PARD3B: variants seen among roughly 807,000 people sequenced by gnomAD.
The protein encoded by PARD3B is partitioning defective 3 homolog B.
In PARD3B, 103 loss-of-function variants were observed where a neutral mutation model predicts 130.2. The observed-to-expected ratio is 0.79, with a 90% CI of 0.67 to 0.93. PARD3B has a LOEUF of 0.93. Ranked by LOEUF, PARD3B falls within the 40% of genes least tolerant of loss-of-function variation. PARD3B has a pLI of 0.00. For synonymous variants in PARD3B, 583 were observed against 553.2 expected (o/e 1.05, Z -0.76); for missense variants, 1,609 against 1,499.2 (o/e 1.07, Z -1.21).
chr2:204,771,844 G>A (rs112317377), intron 2 of PARD3B, among the ~76,000 whole-genome samples: 2 of 151,940 alleles, frequency 1.3e-5, no homozygotes, highest in African/African-American at 4.8e-5. Flanking sequence ...CTTTTAGAGG[G>A]AGACTTTAAA....
chr2:205,290,659 C>T (rs1041718399), intron 16 of PARD3B, among the ~76,000 whole-genome samples: 20 of 152,030 alleles, frequency 1.3e-4, no homozygotes, highest in Non-Finnish European at 8.8e-5. Flanking sequence ...AGTCAAACAC[C>T]GATGAAATAG....
rs182988950 is a variant in PARD3B at position 205,449,639 on chromosome 2, A to C, written c.3044+8967A>C. Among the ~76,000 whole-genome samples, 7 of 152,340 alleles carry C rather than the reference A, an allele frequency of 4.6e-5. No individual in the cohort carries two copies. In the East Asian group the frequency reaches 9.6e-4, roughly 21 times the overall value. On this transcript the variant is annotated intron_variant, in intron 20 of 22. Coordinates refer to ENST00000406610, the MANE Select transcript of PARD3B (RefSeq NM_001302769.2). ...GATGTAATACCAGGCACTTAGAGGC[A>C]CTTAGTATTTGCTTACTAAATACTT...
intron 1 of PARD3B, among the ~76,000 whole-genome samples, chr2:204,604,551 A>T (rs2033640139): frequency 6.6e-6 from 1 of 152,178 alleles, no homozygotes; most frequent in South Asian, 2.1e-4. Flanking sequence ...AAAAAAATTT[A>T]TGTAGGTTTT....
intron 2 of PARD3B, among the ~76,000 whole-genome samples, chr2:204,928,728 C>T (rs533525063): frequency 3.3e-5 from 5 of 152,216 alleles, no homozygotes; most frequent in Admixed American, 3.3e-4. Context: ...GAGCTTTGGG[C>T]ATGCTGATTT....
intron 7 of PARD3B, among the ~76,000 whole-genome samples, chr2:205,120,858 A>G (rs2030620511): frequency 6.6e-6 from 1 of 152,246 alleles, no homozygotes; most frequent in African/African-American, 2.4e-5. Context: ...CTGGGCAAGA[A>G]AGAGTGGGAA....
intron 2 of PARD3B, among the ~76,000 whole-genome samples, chr2:204,718,939 C>T (rs1231494523): frequency 6.6e-6 from 1 of 152,152 alleles, no homozygotes; most frequent in Non-Finnish European, 1.5e-5. Flanking sequence ...TTACTCCTGA[C>T]ATATTTAATC....
chr2:205,192,387 T>C (rs1488393300), intron 14 of PARD3B, among the ~76,000 whole-genome samples: 1 of 152,174 alleles, frequency 6.6e-6, no homozygotes, highest in Admixed American at 6.5e-5. Context: ...AGCCACCATA[T>C]TTACTTTCCA....
chr2:204,998,358 A>ATATATATATGTG (rs1400529301), intron 3 of PARD3B, among the ~76,000 whole-genome samples: 3 of 69,866 alleles, frequency 4.3e-5, no homozygotes, highest in African/African-American at 6.8e-5. Context: ...ATATATATAT[A>ATATATATATGTG]TGTGTGTGTG....
chr2:204,741,977 T>C (rs1363694681), intron 2 of PARD3B, among the ~76,000 whole-genome samples: 1 of 152,172 alleles, frequency 6.6e-6, no homozygotes, highest in East Asian at 1.9e-4. Flanking sequence ...CAGTATTACC[T>C]GGGAACTTAC....
At chr2:205,008,667 T>C (rs1156863829) in intron 3 of PARD3B, among the ~76,000 whole-genome samples, 1 of 152,190 alleles carries the variant, frequency 6.6e-6, no homozygotes, top group African/African-American at 2.4e-5. Context: ...TAAGAATCTT[T>C]AAGTATAGAA....
At chr2:204,900,423 T>C (rs1229740238) in intron 2 of PARD3B, among the ~76,000 whole-genome samples, 1 of 152,212 alleles carries the variant, frequency 6.6e-6, no homozygotes, top group Non-Finnish European at 1.5e-5. Context: ...CTTCAGTATG[T>C]CAGTTGCATT....
intron 1 of PARD3B, among the ~76,000 whole-genome samples, chr2:204,654,547 GA>G (rs937725368): frequency 3.3e-5 from 5 of 152,116 alleles, no homozygotes; most frequent in Non-Finnish European, 5.9e-5. Flanking sequence ...CTACAGATAG[GA>G]AGTTCTCATG....
At chr2:204,995,717 C>G (rs1288565357) in intron 3 of PARD3B, among the ~76,000 whole-genome samples, 1 of 110,796 alleles carries the variant, frequency 9.0e-6, no homozygotes, top group African/African-American at 3.7e-5. Flanking sequence ...TTCAGGTACA[C>G]CAATCAGACG....
chr2:205,300,382 A>C lies in PARD3B; in HGVS notation c.2186-148A>C, dbSNP rs2041950716. The C allele has an allele frequency of 2.9e-6, 2 of 688,264 alleles. No homozygotes were observed. The highest frequency in any genetic ancestry group is 5.1e-6 in the Non-Finnish European group (2 of 395,908). The allele number at this position is 688,264 out of a possible 1,614,324, so 42.6% of individuals were successfully genotyped here. Reference sequence around the variant, plus strand: ...TCAAACCACTTGTTCAAGGTTACAAAAGGTGGCAAAGCTGGAGTATAACCC... The same window carrying C: ...TCAAACCACTTGTTCAAGGTTACAACAGGTGGCAAAGCTGGAGTATAACCC... On this transcript the variant is annotated intron_variant, in intron 16 of 22. Transcript: ENST00000406610. This position sits in a 1 kb window ranked among gnomAD's most constrained non-coding sequence, Gnocchi z 4.1.
Position 205,156,721 on chromosome 2 carries a change from A to G in PARD3B, c.1435-2001A>G, listed in dbSNP as rs953296341. On this transcript the variant is annotated intron_variant, in intron 10 of 22. Coordinates refer to ENST00000406610, the MANE Select transcript of PARD3B (RefSeq NM_001302769.2). ...CAGGTTTGTTGTGAAGCATAAGTGT[A>G]TTAATATGTGTAAAGTACTCAGAAA... Among the ~76,000 whole-genome samples, 5 of 152,170 alleles carry G rather than the reference A, an allele frequency of 3.3e-5. No individual in the cohort carries two copies. In the East Asian group the frequency reaches 9.6e-4, roughly 29 times the overall value.
intron 10 of PARD3B, among the ~76,000 whole-genome samples, chr2:205,141,384 T>C (rs2032937562): frequency 6.6e-6 from 1 of 152,256 alleles, no homozygotes; most frequent in South Asian, 2.1e-4. Flanking sequence ...GAATTTAAAC[T>C]TTTCAATCAA....
chr2:204,797,390 G>T (rs1428718962), intron 2 of PARD3B, among the ~76,000 whole-genome samples: 2 of 152,024 alleles, frequency 1.3e-5, no homozygotes, highest in African/African-American at 4.8e-5. Flanking sequence ...CTTTACTGAT[G>T]AACAAGTTTA....
chr2:204,882,374 T>G (rs1268795521), intron 2 of PARD3B, among the ~76,000 whole-genome samples: 1 of 152,204 alleles, frequency 6.6e-6, no homozygotes, highest in Non-Finnish European at 1.5e-5. Context: ...AATAATCAGA[T>G]AATCCTTCTA....
intron 4 of PARD3B, among the ~76,000 whole-genome samples, chr2:205,088,099 G>C (rs1380244289): frequency 2.0e-5 from 3 of 152,182 alleles, no homozygotes; most frequent in African/African-American, 7.2e-5. Context: ...TTTTGCAACT[G>C]TGATCCAAAT....
Sources: allele counts gnomAD v4.1 joint callset (sites outside exome capture counted in the v4.1 genomes callset), GRCh38; gene constraint gnomAD v4.1.1; non-coding constraint Gnocchi (gnomAD v3.1); transcripts MANE v1.5; gene names NCBI Gene and HGNC (gene_info 2026-07-23, HGNC 2026-07-21).